The following RHOA variants were observed in gnomAD, a reference collection of about 807,000 sequenced individuals.
RHOA encodes the protein ras homolog family member A.
RHOA carries 3 observed loss-of-function variants against 17.5 expected under a neutral mutation model. That is an observed-to-expected ratio of 0.17 (90% CI 0.08 to 0.44). The LOEUF is 0.44. RHOA is among the 20% of genes least tolerant of loss of function. The pLI, the probability that RHOA is intolerant of heterozygous loss-of-function variation, is 0.99. For missense variants in RHOA, 56 were observed against 242.3 expected, an observed-to-expected ratio of 0.23 and a Z score of 5.10; for synonymous variants, 98 against 88.4, an observed-to-expected ratio of 1.11 and a Z score of -0.61.
At chr3:49,410,110 CA>C (rs1364330498) in intron 1 of RHOA, among the ~76,000 whole-genome samples, 1 of 152,172 alleles carries the variant, frequency 6.6e-6, no homozygotes, top group Non-Finnish European at 1.5e-5. Flanking sequence ...CAGTTTCTCC[CA>C]AACTATTCAC....
intron 1 of RHOA, among the ~76,000 whole-genome samples, chr3:49,399,369 CAA>C (rs11400251): frequency 5.6e-5 from 7 of 125,708 alleles, no homozygotes; most frequent in African/African-American, 3.0e-5. Context: ...GACTCTGTCT[CAA>C]AAAAAAAAAA....
At chr3:49,378,707 G>A (rs148863734) in intron 1 of RHOA, among the ~76,000 whole-genome samples, 30 of 152,060 alleles carry the variant, frequency 2.0e-4, no homozygotes, top group African/African-American at 6.5e-4. Context: ...CAACTCAAGC[G>A]ATCCTCCCAC....
chr3:49,360,391 G>GAA lies in RHOA; in HGVS notation c.409-11_409-10dup. ...TCAGGTTTCACCGGCTCCTAGCAAAGAAAAAAAAATAGTCCTTTTAGCTAA... is the reference window on the plus strand; with the variant it reads ...TCAGGTTTCACCGGCTCCTAGCAAAGAAAAAAAAAAATAGTCCTTTTAGCTAA... On this transcript the variant is annotated splice_polypyrimidine_tract_variant and intron_variant, in intron 4 of 4. Coordinates refer to ENST00000418115, the MANE Select transcript of RHOA (RefSeq NM_001664.4). 1 of 1,566,520 alleles carries GAA rather than the reference G, an allele frequency of 6.4e-7. No individual in the cohort carries two copies. Among genetic ancestry groups the GAA allele is most frequent in the Non-Finnish European group, 8.6e-7 (1 of 1,158,052 alleles).
In RHOA at chr3:49,387,117, C is replaced by CAAAAAAA. The variant is rs56262356; in HGVS notation, c.-2-11533_-2-11527dup. 2.0e-4 allele frequency among the ~76,000 whole-genome samples: 5 copies of CAAAAAAA among 24,642 alleles called. 1 individual carries two copies. Among genetic ancestry groups the CAAAAAAA allele is most frequent in the African/African-American group, 5.7e-4 (4 of 7,024 alleles). The allele number at this position is 24,642 out of a possible 152,430, so 16.2% of individuals were successfully genotyped here. ...GGGCAACAAGAGAGAAACTCCGTCTCAAAAAAAAAAAAAAAAAAAAAAAAA... is the reference window on the plus strand; with the variant it reads ...GGGCAACAAGAGAGAAACTCCGTCTCAAAAAAAAAAAAAAAAAAAAAAAAAAAAAAAA... On this transcript the variant is annotated intron_variant, in intron 1 of 4. Coordinates refer to ENST00000418115, the MANE Select transcript of RHOA (RefSeq NM_001664.4).
intron 1 of RHOA, among the ~76,000 whole-genome samples, chr3:49,382,780 C>T (rs1251466984): frequency 2.0e-5 from 3 of 152,238 alleles, no homozygotes; most frequent in Non-Finnish European, 2.9e-5. Flanking sequence ...CTGCTTTGGC[C>T]GAGTGTGCTG....
rs1164860582 is a variant in RHOA, at chr3:49,404,534, C to T, written c.-3+7286G>A. ...GCTGAGGCAGGAGAATCGCTTGCAC[C>T]CTGGTAGGCAGAGATTGCAGTGAGC... On this transcript the variant is annotated intron_variant, in intron 1 of 4. Transcript: ENST00000418115. Among the ~76,000 whole-genome samples the T allele has an allele frequency of 3.4e-5, 5 of 146,500 alleles. No individual in the cohort carries two copies. The South Asian group carries it at 8.8e-4, about 26-fold the overall frequency.
intron 1 of RHOA, among the ~76,000 whole-genome samples, chr3:49,407,320 G>A (rs868430424): frequency 2.5e-5 from 3 of 117,882 alleles, no homozygotes; most frequent in Admixed American, 1.3e-4. Context: ...AGCAACCTCC[G>A]CCTCCCAGGT....
chr3:49,380,706 AT>A (rs1485843382), intron 1 of RHOA, among the ~76,000 whole-genome samples: 37 of 147,230 alleles, frequency 2.5e-4, no homozygotes, highest in African/African-American at 7.9e-4. Context: ...AATAATAATA[AT>A]AATAATAATA....
At position 49,359,275 on chromosome 3, in the gene RHOA, T is replaced by C. The variant is rs8179166; in HGVS notation, c.*934A>G. On this transcript the variant is annotated 3_prime_UTR_variant, in exon 5 of 5. Transcript: ENST00000418115. ...CTGGTGGCTCCTCTGGGAGGGAACC[T>C]GGATACAGTGAGGAGAAAAGAGCAC... 2.7e-4 allele frequency: 53 copies of C among 192,960 alleles called. 1 individual carries two copies. The highest frequency in any genetic ancestry group is 2.5e-3 in the Admixed American group (41 of 16,330). The allele number at this position is 192,960 out of a possible 1,614,324, so 12.0% of individuals were successfully genotyped here.
At chr3:49,367,359 A>AAAAAAAAAAAAAAAAAAAAAAAAT (rs1436688172) in intron 3 of RHOA, among the ~76,000 whole-genome samples, 2 of 149,946 alleles carry the variant, frequency 1.3e-5, no homozygotes, top group Admixed American at 6.8e-5. Flanking sequence ...AAAAAAAAAA[A>AAAAAAAAAAAAAAAAAAAAAAAAT]AAAAAAAGAA....
chr3:49,362,867 G>GC (rs2107830944), intron 3 of RHOA, among the ~76,000 whole-genome samples: 1 of 152,274 alleles, frequency 6.6e-6, no homozygotes, highest in South Asian at 2.1e-4. Context: ...TGTAGGTGGG[G>GC]CCCGAGTAAG....
At chr3:49,407,494 A>G (rs1575291881) in intron 1 of RHOA, among the ~76,000 whole-genome samples, 1 of 152,272 alleles carries the variant, frequency 6.6e-6, no homozygotes, top group East Asian at 1.9e-4. Context: ...CAGCACTTCC[A>G]AAGTGCTGGG....
At chr3:49,391,879 A>C (rs995315371) in intron 1 of RHOA, among the ~76,000 whole-genome samples, 2 of 124,258 alleles carry the variant, frequency 1.6e-5, no homozygotes, top group Non-Finnish European at 3.2e-5. Flanking sequence ...CCCAGACTGG[A>C]GTGTAATGGC....
At chr3:49,403,805 A>AAG (rs2048766951) in intron 1 of RHOA, among the ~76,000 whole-genome samples, 1 of 152,122 alleles carries the variant, frequency 6.6e-6, no homozygotes, top group Non-Finnish European at 1.5e-5. Context: ...AACCTCCATG[A>AAG]AGGTAATTAA....
At chr3:49,389,206 G>A (rs1338888450) in intron 1 of RHOA, among the ~76,000 whole-genome samples, 1 of 151,976 alleles carries the variant, frequency 6.6e-6, no homozygotes, top group Non-Finnish European at 1.5e-5. Context: ...AATCAGCCAG[G>A]CCTGGTGGCG....
intron 1 of RHOA, among the ~76,000 whole-genome samples, chr3:49,376,416 G>A (rs997634940): frequency 6.6e-6 from 1 of 151,234 alleles, no homozygotes; most frequent in Non-Finnish European, 1.5e-5. Flanking sequence ...GGCCGAGGCG[G>A]GTGGATCACG....
Position 49,359,954 on chromosome 3 carries a change from G to C in RHOA, c.*255C>G, listed in dbSNP as rs1485383372. The C allele has an allele frequency of 2.5e-6, 1 of 399,440 alleles. No individual in the cohort carries two copies. The highest frequency in any genetic ancestry group is 4.5e-6 in the Non-Finnish European group (1 of 224,132). 24.7% of individuals were successfully genotyped at this position (399,440 alleles called of 1,614,324 possible). A position where few individuals can be genotyped will look rare whatever the true frequency, so the allele number is the denominator to read the frequency against. On this transcript the variant is annotated 3_prime_UTR_variant, in exon 5 of 5. Transcript: ENST00000418115. ...GAAGCAAGAAGTTAAGAAATTCCTT[G>C]AATTAGCGCCTGGTGTGTCAGGTGG...
At chr3:49,405,257 CAAAAAA>C (rs56912055) in intron 1 of RHOA, among the ~76,000 whole-genome samples, 4 of 110,020 alleles carry the variant, frequency 3.6e-5, no homozygotes, top group South Asian at 3.4e-4. Context: ...GACTGTGTCT[CAAAAAA>C]AAAAAAAAAA....
At chr3:49,388,284 A>AC (rs2048434470) in intron 1 of RHOA, among the ~76,000 whole-genome samples, 1 of 151,708 alleles carries the variant, frequency 6.6e-6, no homozygotes, top group Non-Finnish European at 1.5e-5. Flanking sequence ...TAAGTGACCC[A>AC]CCCGCCTCTG....
Sources: allele counts gnomAD v4.1 joint callset (sites outside exome capture counted in the v4.1 genomes callset), GRCh38; gene constraint gnomAD v4.1.1; transcripts MANE v1.5; gene names NCBI Gene and HGNC (gene_info 2026-07-23, HGNC 2026-07-21).